The following MYH15 variants were observed in gnomAD, a reference collection of about 807,000 sequenced individuals.
The protein encoded by MYH15 is myosin heavy chain 15.
MYH15 carries 227 observed loss-of-function variants against 240.5 expected under a neutral mutation model. The ratio of observed to expected loss-of-function variants is 0.94; its 90% CI spans 0.85 to 1.05. The LOEUF (loss-of-function observed/expected upper bound fraction) is 1.05. Ranked by LOEUF, MYH15 falls within the 50% of genes least tolerant of loss-of-function variation. The pLI is 0.00. For missense variants in MYH15, 2,217 were observed against 2,247.5 expected (o/e 0.99, Z 0.27); for synonymous variants, 785 against 796.7 (o/e 0.99, Z 0.25).
chr3:108,459,783 C>G (rs537364996), intron 17 of MYH15, among the ~76,000 whole-genome samples: 21 of 152,128 alleles, frequency 1.4e-4, no homozygotes, highest in African/African-American at 4.8e-4. Context: ...AAACCTTTAT[C>G]TTAGGTCAGA....
chr3:108,415,434 CTTGT>C lies in MYH15; in HGVS notation c.3949-1010_3949-1007del, dbSNP rs1055332520. Reference sequence around the variant, plus strand: ...TTGGGTTCAAACTGTGACCTCTCCTCTTGTTTAATTTTATTTTTCTTTAAAGGAA... The same window carrying C: ...TTGGGTTCAAACTGTGACCTCTCCTCTTAATTTTATTTTTCTTTAAAGGAA... On this transcript the variant is annotated intron_variant, in intron 29 of 40. Coordinates refer to ENST00000693548, the MANE Select transcript of MYH15 (RefSeq NM_014981.3). Among the ~76,000 whole-genome samples the C allele has an allele frequency of 1.8e-4, 28 of 152,256 alleles. No individual in the cohort carries two copies. In the South Asian group the frequency reaches 3.3e-3, roughly 18 times the overall value.
intron 39 of MYH15, 39 bp downstream of exon 39, chr3:108,384,648 T>C: frequency 1.3e-6 from 2 of 1,563,112 alleles, no homozygotes; most frequent in Non-Finnish European, 1.8e-6. Flanking sequence ...AAAACAACAC[T>C]GGGAAATCCA....
At chr3:108,428,226 T>C (rs1426269447) in intron 27 of MYH15, among the ~76,000 whole-genome samples, 2 of 152,130 alleles carry the variant, frequency 1.3e-5, no homozygotes, top group Non-Finnish European at 2.9e-5. Context: ...ACTTGTGCAA[T>C]CACTAAAAAA....
Position 108,439,832 on chromosome 3 carries a change from C to T in MYH15, c.2980G>A (p.Ala994Thr). 1.2e-6 allele frequency: 2 copies of T among 1,613,574 alleles called. No individual in the cohort carries two copies. Among genetic ancestry groups the T allele is most frequent in the East Asian group, 2.2e-5 (1 of 44,856 alleles). The change falls in exon 24 of 41, where the codon GCC becomes ACC. Residue 994 changes from alanine to threonine, a missense_variant. By Grantham distance (58) the Ala-to-Thr change is moderately conservative (BLOSUM62 0). Coordinates refer to ENST00000693548, the MANE Select transcript of MYH15 (RefSeq NM_014981.3). Reference sequence around the variant, plus strand: ...AGGTCATCCAGGGTCTGCTGATGGGCCTCCTGCACAACCTTGGCTGCTCTG... The same window carrying T: ...AGGTCATCCAGGGTCTGCTGATGGGTCTCCTGCACAACCTTGGCTGCTCTG... The part of the protein sequence containing the change: ...LNRAAKVVQE[A>T]HQQTLDDLHM...
chr3:108,439,849 G>GC lies in MYH15; in HGVS notation c.2962dup (p.Ala988GlyfsTer14), dbSNP rs1560367000. 1 of 1,612,836 alleles carries GC rather than the reference G, an allele frequency of 6.2e-7. No individual in the cohort carries two copies. The highest frequency in any genetic ancestry group is 1.1e-5 in the South Asian group (1 of 90,832). Reference sequence around the variant, plus strand: ...CTGATGGGCCTCCTGCACAACCTTGGCTGCTCTGTTAAGTTTGCTGATATC... The same window carrying GC: ...CTGATGGGCCTCCTGCACAACCTTGGCCTGCTCTGTTAAGTTTGCTGATATC... On this transcript the variant is annotated frameshift_variant, in exon 24 of 41. Coordinates refer to ENST00000693548, the MANE Select transcript of MYH15 (RefSeq NM_014981.3). LOFTEE classifies it high-confidence loss of function.
the MYH15 span, among the ~76,000 whole-genome samples, chr3:108,545,559 A>G: frequency 6.6e-6 from 1 of 152,132 alleles, no homozygotes; most frequent in East Asian, 1.9e-4. Context: ...TCAAATCTAG[A>G]TGCGGTTACC....
intron 21 of MYH15, 122 bp from the exon 22 acceptor site, chr3:108,445,017 A>C: frequency 1.8e-6 from 2 of 1,135,424 alleles, no homozygotes; most frequent in Non-Finnish European, 2.4e-6. Context: ...ATTAGTCTTC[A>C]AAGCACTTTT....
At chr3:108,463,392 G>T (rs2083087841) in intron 15 of MYH15, 149 bp from the exon 16 acceptor site, 1 of 851,686 alleles carries the variant, frequency 1.2e-6, no homozygotes, top group African/African-American at 1.7e-5. Context: ...ACAGTTCACT[G>T]TAGCCTCGAC....
intron 37 of MYH15, among the ~76,000 whole-genome samples, chr3:108,391,192 A>G (rs59456233): frequency 0.18 from 27,721 of 152,188 alleles, 2,709 homozygotes; most frequent in African/African-American, 0.23. Context: ...AGCATTTATC[A>G]TATGCCTTGT....
intron 9 of MYH15, among the ~76,000 whole-genome samples, chr3:108,490,809 A>T (rs1330062944): frequency 6.6e-6 from 1 of 151,618 alleles, no homozygotes; most frequent in Non-Finnish European, 1.5e-5. Flanking sequence ...ACCAAACCCC[A>T]TTTCTTTCTG....
chr3:108,439,624 A>G (rs2082868941), intron 24 of MYH15, 113 bp downstream of exon 24: 9 of 980,022 alleles, frequency 9.2e-6, no homozygotes, highest in Non-Finnish European at 1.1e-5. Flanking sequence ...TCAGGAAAAC[A>G]AACTATGCTA....
Position 108,485,143 on chromosome 3 carries a change from C to T in MYH15, c.1062G>A (p.Met354Ile). The change falls in exon 11 of 41, where the codon ATG becomes ATA. Residue 354 changes from methionine (M) to isoleucine (I), a missense_variant. Transcript: ENST00000693548. ...CTTCTCTAGGTTTCTGTTTAAATTT[C>T]ATATTTCCAAAGTGCATGATGGCTC... ...LTGAIMHFGNMKFKQKPREEQ... is the reference protein window; with the variant it reads ...LTGAIMHFGNIKFKQKPREEQ... 1 of 1,614,106 alleles carries T rather than the reference C, an allele frequency of 6.2e-7. No homozygotes were observed. The highest frequency in any genetic ancestry group is 1.1e-5 in the South Asian group (1 of 91,074).
chr3:108,381,122 G>C lies in MYH15; in HGVS notation c.*423C>G, dbSNP rs956160271. On this transcript the variant is annotated 3_prime_UTR_variant, in exon 41 of 41. Transcript: ENST00000693548. ...AATATACATTCATAGATTTAGGGGTGAATCAAGCCAAAGTTGCCTAACTTT... is the reference window on the plus strand; with the variant it reads ...AATATACATTCATAGATTTAGGGGTCAATCAAGCCAAAGTTGCCTAACTTT... 1 of 190,724 alleles carries C rather than the reference G, an allele frequency of 5.2e-6. No individual in the cohort carries two copies. Among genetic ancestry groups the C allele is most frequent in the South Asian group, 1.1e-4 (1 of 8,734 alleles). 11.8% of individuals were successfully genotyped at this position (190,724 alleles called of 1,614,324 possible).
At chr3:108,415,389 G>C (rs1391645007) in intron 29 of MYH15, among the ~76,000 whole-genome samples, 1 of 152,176 alleles carries the variant, frequency 6.6e-6, no homozygotes, top group African/African-American at 2.4e-5. Flanking sequence ...AAAGGATGCA[G>C]GCTTTGGAGT....
intron 24 of MYH15, among the ~76,000 whole-genome samples, 192 bp from the exon 25 acceptor site, chr3:108,437,891 A>C (rs1423149527): frequency 1.3e-5 from 2 of 152,240 alleles, no homozygotes; most frequent in African/African-American, 4.8e-5. Context: ...TCCAGAAATC[A>C]CAGGGATGGA....
At chr3:108,471,307 C>A (rs972754325) in intron 12 of MYH15, among the ~76,000 whole-genome samples, 1 of 152,126 alleles carries the variant, frequency 6.6e-6, no homozygotes, top group Admixed American at 6.5e-5. Flanking sequence ...ATCCTAAGAC[C>A]AGCAGCAGCA....
intron 9 of MYH15, among the ~76,000 whole-genome samples, chr3:108,487,408 T>A (rs2083314812): frequency 6.6e-6 from 1 of 152,228 alleles, no homozygotes; most frequent in South Asian, 2.1e-4. Flanking sequence ...GTTAACAAAC[T>A]GTTGTATATT....
intron 21 of MYH15, among the ~76,000 whole-genome samples, chr3:108,445,717 C>G (rs1285609746): frequency 6.6e-6 from 1 of 151,530 alleles, no homozygotes; most frequent in Non-Finnish European, 1.5e-5. Context: ...GATGAAACCC[C>G]CAAGATTTTC....
At chr3:108,426,818 G>A (rs183070155) in intron 27 of MYH15, among the ~76,000 whole-genome samples, 2 of 152,188 alleles carry the variant, frequency 1.3e-5, no homozygotes, top group Non-Finnish European at 2.9e-5. Context: ...CTGCCAGGGG[G>A]GGGCAGTGCT....
Sources: gnomAD v4.1 joint callset for allele counts (sites outside exome capture counted in the v4.1 genomes callset) on GRCh38, gnomAD v4.1.1 for gene constraint, MANE v1.5 for transcripts, NCBI Gene and HGNC (gene_info 2026-07-23, HGNC 2026-07-21) for gene names.